The following SLC25A26 variants were observed in gnomAD, a reference collection of about 807,000 sequenced individuals.
SLC25A26 encodes mitochondrial S-adenosylmethionine carrier protein.
Under a neutral mutation model 37.8 loss-of-function variants are expected in SLC25A26, and 36 were observed. The observed-to-expected ratio is 0.95, with a 90% confidence interval of 0.73 to 1.26. SLC25A26 has a LOEUF of 1.26. Among genes scored for constraint, SLC25A26 ranks in the 50% most tolerant of loss-of-function variants. The pLI is 0.00. For synonymous variants in SLC25A26, 129 were observed against 122.5 expected (o/e 1.05, Z -0.35); for missense variants, 390 against 331.1 (o/e 1.18, Z -1.38).
chr3:66,165,016 G>T (rs1433506837), intron 1 of SLC25A26, among the ~76,000 whole-genome samples: 1 of 152,164 alleles, frequency 6.6e-6, no homozygotes, highest in East Asian at 1.9e-4. Flanking sequence ...TGGTTTCTTG[G>T]ACTAATAGAA....
At chr3:66,184,850 C>T (rs1281400897) in intron 1 of SLC25A26, among the ~76,000 whole-genome samples, 1 of 152,102 alleles carries the variant, frequency 6.6e-6, no homozygotes, top group Non-Finnish European at 1.5e-5. Context: ...ACCAACAACT[C>T]AACTTTGACC....
intron 1 of SLC25A26, among the ~76,000 whole-genome samples, chr3:66,174,754 C>G (rs1411626597): frequency 6.6e-6 from 1 of 151,336 alleles, no homozygotes; most frequent in Non-Finnish European, 1.5e-5. Flanking sequence ...CCACTGCACT[C>G]CAGCCTGGGC....
chr3:66,226,205 G>GGGCC (rs1476926069), intron 1 of SLC25A26, among the ~76,000 whole-genome samples: 1 of 152,178 alleles, frequency 6.6e-6, no homozygotes, highest in Non-Finnish European at 1.5e-5. Flanking sequence ...GCTGGCAGAG[G>GGGCC]GGCCTCACAA....
At chr3:66,352,001 C>A (rs1479177641) in intron 6 of SLC25A26, among the ~76,000 whole-genome samples, 1 of 151,952 alleles carries the variant, frequency 6.6e-6, no homozygotes, top group African/African-American at 2.4e-5. Flanking sequence ...GTAATCCCAG[C>A]ACTTTGAGAG....
chr3:66,164,703 C>A (rs1285260898), intron 1 of SLC25A26, among the ~76,000 whole-genome samples: 1 of 152,192 alleles, frequency 6.6e-6, no homozygotes, highest in Admixed American at 6.5e-5. Context: ...TCAATTTTTA[C>A]AACCTTTAAA....
At chr3:66,182,185 A>AT in intron 1 of SLC25A26, among the ~76,000 whole-genome samples, 1 of 152,262 alleles carries the variant, frequency 6.6e-6, no homozygotes, top group East Asian at 1.9e-4. Context: ...AAATTCCCAA[A>AT]TGGGAGGTGA....
At chr3:66,271,747 C>T (rs759661553) in intron 5 of SLC25A26, among the ~76,000 whole-genome samples, 1 of 152,086 alleles carries the variant, frequency 6.6e-6, no homozygotes, top group South Asian at 2.1e-4. Context: ...GAAAGAAGAC[C>T]ATTTCATACA....
rs146636301 is a variant in SLC25A26, at chr3:66,139,055, C to A, written c.-354+5071C>A. On this transcript the variant is annotated intron_variant, in intron 1 of 10. Transcript: ENST00000676754. The stretch of plus-strand genomic sequence containing the variant: ...CCTGTCCTCCTCCCCTCCCCATCCT[C>A]TTTTCCTCTGCCCCAGGAGAATGAA... Among the ~76,000 whole-genome samples, 944 of 151,464 alleles carry A rather than the reference C, an allele frequency of 6.2e-3. 11 individuals carry two copies. The highest frequency in any genetic ancestry group is 0.021 in the African/African-American group (867 of 41,272).
chr3:66,313,619 A>G (rs528383664), intron 5 of SLC25A26, among the ~76,000 whole-genome samples: 1 of 152,148 alleles, frequency 6.6e-6, no homozygotes. Flanking sequence ...TTTTTATTCC[A>G]TATGAATTTT....
At chr3:66,249,675 A>T (rs1380296702) in intron 3 of SLC25A26, among the ~76,000 whole-genome samples, 6 of 152,262 alleles carry the variant, frequency 3.9e-5, no homozygotes, top group East Asian at 1.9e-4. Context: ...ATCAATACAG[A>T]TTATCTCTCC....
intron 6 of SLC25A26, among the ~76,000 whole-genome samples, chr3:66,354,398 C>G (rs2076528195): frequency 6.6e-6 from 1 of 152,142 alleles, no homozygotes; most frequent in Non-Finnish European, 1.5e-5. Context: ...GAAATCATAG[C>G]TTTGTCATAG....
At chr3:66,329,051 T>G (rs2075908195) in intron 5 of SLC25A26, among the ~76,000 whole-genome samples, 1 of 152,158 alleles carries the variant, frequency 6.6e-6, no homozygotes, top group African/African-American at 2.4e-5. Context: ...CGTGGCACAT[T>G]GTGATCACTA....
intron 5 of SLC25A26, among the ~76,000 whole-genome samples, chr3:66,285,942 A>G (rs1047647479): frequency 2.6e-5 from 4 of 152,164 alleles, no homozygotes; most frequent in African/African-American, 9.7e-5. Context: ...AGTGGTTTTA[A>G]TTTTCAGTTC....
chr3:66,209,898 T>TTTTATATATATATATATA lies in SLC25A26; in HGVS notation c.-353-10843_-353-10842insTTATATATATATATATAT, dbSNP rs1553656263. Among the ~76,000 whole-genome samples, 27 of 38,616 alleles carry TTTTATATATATATATATA rather than the reference T, an allele frequency of 7.0e-4. 2 individuals are homozygous for TTTTATATATATATATATA. Among genetic ancestry groups the TTTTATATATATATATATA allele is most frequent in the South Asian group, 1.2e-3 (1 of 830 alleles). The allele number at this position is 38,616 out of a possible 152,430, so 25.3% of individuals were successfully genotyped here. A position where few individuals can be genotyped will look rare whatever the true frequency, so the allele number is the denominator to read the frequency against. Reference sequence around the variant, plus strand: ...TATACTCCTCTCTCTCTCTCTCTATTTATATATATATATATATATATATAT... The same window carrying TTTTATATATATATATATA: ...TATACTCCTCTCTCTCTCTCTCTATTTTTATATATATATATATATATATATATATATATATATATATAT... On this transcript the variant is annotated intron_variant, in intron 1 of 10. Transcript: ENST00000676754.
chr3:66,202,202 T>A (rs968515010), intron 1 of SLC25A26, among the ~76,000 whole-genome samples: 45 of 152,256 alleles, frequency 3.0e-4, no homozygotes, highest in African/African-American at 9.4e-4. Context: ...TGAATTCATG[T>A]CCTTTGCAGG....
At position 66,369,512 on chromosome 3, in the gene SLC25A26, C is replaced by T. The variant is rs546539897; in HGVS notation, c.603C>T (p.Asp201=). 3.4e-5 allele frequency: 54 copies of T among 1,604,498 alleles called. No homozygotes were observed. The highest frequency in any genetic ancestry group is 3.9e-5 in the Non-Finnish European group (46 of 1,175,570). The part of the protein sequence containing the change: ...GFAAAVTTPL[D]VAKTRITLAK... ...CCGCTGCAGTCACCACCCCTCTAGA[C>T]GTGGCAAAGACAAGAATTACGCTGG... The change falls in exon 8 of 10, where the codon GAC becomes GAT. Residue 201 remains aspartate (D), a synonymous_variant. Transcript: ENST00000354883.
intron 2 of SLC25A26, among the ~76,000 whole-genome samples, chr3:66,241,487 G>T (rs2072581906): frequency 6.6e-6 from 1 of 152,152 alleles, no homozygotes; most frequent in African/African-American, 2.4e-5. Flanking sequence ...GTAGTGCGTA[G>T]GTTACATAGT....
At chr3:66,203,267 G>A (rs2071132615) in intron 1 of SLC25A26, among the ~76,000 whole-genome samples, 1 of 152,090 alleles carries the variant, frequency 6.6e-6, no homozygotes, top group South Asian at 2.1e-4. Context: ...TGTAGTTCCA[G>A]CTACTTGGGA....
intron 5 of SLC25A26, among the ~76,000 whole-genome samples, chr3:66,287,183 C>G (rs1559658338): frequency 6.6e-6 from 1 of 151,924 alleles, no homozygotes; most frequent in Non-Finnish European, 1.5e-5. Context: ...GTAGTCCCAG[C>G]TACTCAGGAG....
Sources: gnomAD v4.1 joint callset for allele counts (sites outside exome capture counted in the v4.1 genomes callset) on GRCh38, gnomAD v4.1.1 for gene constraint, MANE v1.5 for transcripts, NCBI Gene and HGNC (gene_info 2026-07-23, HGNC 2026-07-21) for gene names.